The following TRA2B variants were observed in gnomAD, a reference collection of about 807,000 sequenced individuals.
TRA2B encodes the protein transformer 2 beta homolog.
TRA2B carries 14 observed loss-of-function variants against 41.7 expected under a neutral mutation model. The ratio of observed to expected loss-of-function variants is 0.34; its 90% CI spans 0.22 to 0.53. The LOEUF (loss-of-function observed/expected upper bound fraction) is 0.53. Among genes scored for constraint, TRA2B ranks in the 20% least tolerant of loss-of-function variants. The pLI, the probability that TRA2B is intolerant of heterozygous loss-of-function variation, is 0.95. For synonymous variants in TRA2B, 130 were observed against 128.8 expected, an observed-to-expected ratio of 1.01 and a Z score of -0.06; for missense variants, 167 against 396.8, an observed-to-expected ratio of 0.42 and a Z score of 4.92.
chr3:185,924,026 T>C (rs1743841185), intron 3 of TRA2B, 42 bp from the exon 4 acceptor site: 2 of 1,558,518 alleles, frequency 1.3e-6, no homozygotes, highest in East Asian at 4.5e-5. Flanking sequence ...AAAGTTGTCA[T>C]AAAATCAAAG....
chr3:185,918,699 AAG>A lies in TRA2B; in HGVS notation c.783-263_783-262del, dbSNP rs374206338. The stretch of plus-strand genomic sequence containing the variant: ...CTTTTTAAATTTTGTGAACTATGTT[AAG>A]AGAGTTTTGTAAAAGAAAATTCCTG... On this transcript the variant is annotated intron_variant, in intron 7 of 8. Transcript: ENST00000453386. Among the ~76,000 whole-genome samples the A allele has an allele frequency of 5.8e-4, 89 of 152,300 alleles. 2 individuals are homozygous for A. In the South Asian group the frequency reaches 0.016, roughly 27 times the overall value.
chr3:185,927,817 G>A (rs1176599004), intron 1 of TRA2B: 1 of 152,226 alleles, frequency 6.6e-6, no homozygotes. Flanking sequence ...CACCAAAACA[G>A]TAGATGAGGA....
intron 1 of TRA2B, chr3:185,935,049 A>T: frequency 1.0e-6 from 1 of 985,394 alleles, no homozygotes; most frequent in Non-Finnish European, 1.2e-6. Context: ...CCAACATACA[A>T]ATCTCACACA....
At chr3:185,937,400 C>T in intron 1 of TRA2B, 1 of 1,006,532 alleles carries the variant, frequency 9.9e-7, no homozygotes, top group Non-Finnish European at 1.2e-6. Flanking sequence ...CGGGTCGGGT[C>T]CGCGTTGCCG....
At chr3:185,933,701 T>C (rs552795795) in intron 1 of TRA2B, among the ~76,000 whole-genome samples, 9 of 152,246 alleles carry the variant, frequency 5.9e-5, no homozygotes, top group African/African-American at 2.2e-4. Flanking sequence ...AATGGATAAG[T>C]AAATCCTCAA....
intron 8 of TRA2B, 105 bp downstream of exon 8, chr3:185,918,260 G>A: frequency 1.3e-6 from 1 of 786,980 alleles, no homozygotes; most frequent in Non-Finnish European, 2.1e-6. Context: ...GAATCATTAG[G>A]TATGAAACTA....
At chr3:185,926,792 A>G in intron 1 of TRA2B, 58 bp from the exon 2 acceptor site, 3 of 1,593,550 alleles carry the variant, frequency 1.9e-6, no homozygotes, top group Non-Finnish European at 1.7e-6. Context: ...TTAAAAACAA[A>G]TAAGCTGCTG....
In TRA2B at chr3:185,916,563, A is replaced by G. The variant is rs1743507288; in HGVS notation, c.*1152T>C. The G allele has an allele frequency of 6.6e-6, 1 of 152,296 alleles. No individual in the cohort carries two copies. The highest frequency in any genetic ancestry group is 2.4e-5 in the African/African-American group (1 of 41,420). The allele number at this position is 152,296 out of a possible 1,614,324, so 9.4% of individuals were successfully genotyped here. ...TCCATCCCCAAATGGAGATCACTCTAATACCTAGTTATGCACTCTGAATTT... is the reference window on the plus strand; with the variant it reads ...TCCATCCCCAAATGGAGATCACTCTGATACCTAGTTATGCACTCTGAATTT... On this transcript the variant is annotated 3_prime_UTR_variant, in exon 9 of 9. Coordinates refer to ENST00000453386, the MANE Select transcript of TRA2B (RefSeq NM_004593.3).
At chr3:185,934,044 A>T (rs1744253798) in intron 1 of TRA2B, among the ~76,000 whole-genome samples, 1 of 152,294 alleles carries the variant, frequency 6.6e-6, no homozygotes, top group South Asian at 2.1e-4. Flanking sequence ...AATTTGCTAC[A>T]GTGAAGAACT....
intron 1 of TRA2B, among the ~76,000 whole-genome samples, chr3:185,931,253 G>A (rs911372527): frequency 3.9e-5 from 6 of 152,176 alleles, no homozygotes; most frequent in Non-Finnish European, 8.8e-5. Context: ...AGGTGGCAAA[G>A]ACCACCAGTT....
At chr3:185,924,245 G>T in intron 3 of TRA2B, 1 of 308,288 alleles carries the variant, frequency 3.2e-6, no homozygotes, top group African/African-American at 2.2e-5. Context: ...AAGCAACTTG[G>T]CATCTTTCCT....
At chr3:185,936,371 A>T (rs1400550366) in intron 1 of TRA2B, 2 of 985,382 alleles carry the variant, frequency 2.0e-6, no homozygotes, top group Non-Finnish European at 2.4e-6. Flanking sequence ...AAAAAATCTA[A>T]AACACTCGTG....
chr3:185,925,602 T>C lies in TRA2B; in HGVS notation c.195A>G (p.Arg65=), dbSNP rs753539867. 2.1e-5 allele frequency: 34 copies of C among 1,613,810 alleles called. No individual in the cohort carries two copies. In the South Asian group the frequency reaches 3.6e-4, roughly 17 times the overall value. ...GAGACCGTGACCGGGTATAATGCCT[T>C]CGGGAGCTTCTTCTGGATCTAGACC... The part of the protein sequence containing the change: ...ESRSRSRRSS[R]RHYTRSRSRS... Residue 65 remains arginine (R), a synonymous_variant, in exon 3 of 9, where the codon CGA becomes CGG. Transcript: ENST00000453386.
intron 1 of TRA2B, among the ~76,000 whole-genome samples, chr3:185,930,555 C>T (rs545005991): frequency 6.6e-6 from 1 of 152,280 alleles, no homozygotes; most frequent in Admixed American, 6.5e-5. Flanking sequence ...TGACATGATA[C>T]CCTTGGCATT....
intron 1 of TRA2B, chr3:185,935,274 G>A: frequency 1.0e-6 from 1 of 985,384 alleles, no homozygotes. Flanking sequence ...AAGTGGTTTG[G>A]CCAGATCAGG....
intron 1 of TRA2B, among the ~76,000 whole-genome samples, chr3:185,932,071 C>G (rs1343185455): frequency 6.6e-6 from 1 of 152,042 alleles, no homozygotes; most frequent in Non-Finnish European, 1.5e-5. Flanking sequence ...ATAGACTTAT[C>G]ATGCTTAAGT....
chr3:185,917,430 G>A lies in TRA2B; in HGVS notation c.*285C>T. The A allele has an allele frequency of 2.5e-6, 1 of 403,702 alleles. No individual in the cohort carries two copies. The highest frequency in any genetic ancestry group is 4.5e-6 in the Non-Finnish European group (1 of 224,150). 25.0% of individuals were successfully genotyped at this position (403,702 alleles called of 1,614,324 possible). On this transcript the variant is annotated 3_prime_UTR_variant, in exon 9 of 9. Transcript: ENST00000453386. ...GATTCAGTAGAAAAACCTTTTAAAT[G>A]AAGTTTTGTACAATAGAAACTTCTC...
chr3:185,916,268 C>G lies in TRA2B; in HGVS notation c.*1447G>C, dbSNP rs998572599. 1 of 152,204 alleles carries G rather than the reference C, an allele frequency of 6.6e-6. No individual in the cohort carries two copies. The highest frequency in any genetic ancestry group is 2.4e-5 in the African/African-American group (1 of 41,454). 9.4% of individuals were successfully genotyped at this position (152,204 alleles called of 1,614,324 possible). A position where few individuals can be genotyped will look rare whatever the true frequency, so the allele number is the denominator to read the frequency against. ...TCAAGAGAACTGTGGACTAAGATCA[C>G]CTAGGTTCAATTCAGATCGTGGCAT... On this transcript the variant is annotated 3_prime_UTR_variant, in exon 9 of 9. Coordinates refer to ENST00000453386, the MANE Select transcript of TRA2B (RefSeq NM_004593.3).
At chr3:185,921,064 A>G (rs773250551) in intron 6 of TRA2B, 40 bp downstream of exon 6, 1 of 1,559,610 alleles carries the variant, frequency 6.4e-7, no homozygotes, top group African/African-American at 1.4e-5. Flanking sequence ...TGTACACTGT[A>G]CTGAGATTCA....
Sources: allele counts gnomAD v4.1 joint callset (sites outside exome capture counted in the v4.1 genomes callset), GRCh38; gene constraint gnomAD v4.1.1; transcripts MANE v1.5; gene names NCBI Gene and HGNC (gene_info 2026-07-23, HGNC 2026-07-21).